The following PCDHGA7 variants were observed in gnomAD, a reference collection of about 807,000 sequenced individuals.
The protein encoded by PCDHGA7 is protocadherin gamma subfamily A, 7.
A neutral mutation model predicts 58.3 loss-of-function variants in PCDHGA7; 44 were observed. The ratio of observed to expected loss-of-function variants is 0.75; its 90% CI spans 0.59 to 0.97. The LOEUF (loss-of-function observed/expected upper bound fraction) is 0.97, where lower values mean the gene tolerates loss of function less well. PCDHGA7 is among the 50% of genes least tolerant of loss of function. The pLI, the probability that PCDHGA7 is intolerant of heterozygous loss-of-function variation, is 0.00. For synonymous variants in PCDHGA7, 516 were observed against 504.2 expected (o/e 1.02, Z -0.31); for missense variants, 1,266 against 1,188.7 (o/e 1.06, Z -0.96).
rs1023140435 is a variant in PCDHGA7, at chr5:141,415,749, T to G, written c.2424+30426T>G. The G allele has an allele frequency of 4.7e-4, 569 of 1,213,970 alleles. 1 individual carries two copies. Among genetic ancestry groups the G allele is most frequent in the Admixed American group, 3.5e-3 (90 of 25,886 alleles). The allele number at this position is 1,213,970 out of a possible 1,614,324, so 75.2% of individuals were successfully genotyped here. The stretch of plus-strand genomic sequence containing the variant: ...TTTGATGTTTATTAAGGTTTTTTTT[T>G]TTTTTTTTTTTTTTTTTTTTTTTAC... On this transcript the variant is annotated intron_variant, in intron 1 of 3. Transcript: ENST00000518325.
chr5:141,409,116 A>G (rs1236625059), intron 1 of PCDHGA7: 1 of 1,614,034 alleles, frequency 6.2e-7, no homozygotes. Flanking sequence ...AAGAATAACC[A>G]GTCATTTGAT....
chr5:141,415,443 C>T, intron 1 of PCDHGA7: 1 of 1,614,196 alleles, frequency 6.2e-7, no homozygotes, highest in Non-Finnish European at 8.5e-7. Context: ...TCCTGCAGAC[C>T]TATTCCCACG....
chr5:141,408,752 G>A (rs780102602), intron 1 of PCDHGA7: 8 of 1,610,388 alleles, frequency 5.0e-6, no homozygotes, highest in Non-Finnish European at 5.9e-6. Flanking sequence ...AATGGTTAGA[G>A]TTAATTCCGA....
chr5:141,423,234 C>T, intron 1 of PCDHGA7: 1 of 1,613,918 alleles, frequency 6.2e-7, no homozygotes, highest in South Asian at 1.1e-5. Context: ...CCGACAGCAT[C>T]CCCGAAGTCC....
chr5:141,476,078 C>G lies in PCDHGA7; in HGVS notation c.2425-18729C>G. On this transcript the variant is annotated intron_variant, in intron 1 of 3. Transcript: ENST00000518325. The surrounding 1 kb of genome is among the most constrained non-coding windows in gnomAD (Gnocchi z 7.6). ...AAGTTTCTCAGCGAAATCTCAGGGA[C>G]GATCTGGACCCCGCTGAGAGGAACT... is the stretch of plus-strand genomic sequence containing the variant. 1 of 1,528,034 alleles carries G rather than the reference C, an allele frequency of 6.5e-7. No homozygotes were observed. 94.7% of individuals were successfully genotyped at this position (1,528,034 alleles called of 1,614,324 possible).
At position 141,384,703 on chromosome 5, in the gene PCDHGA7, G is replaced by T; in HGVS notation, c.1804G>T (p.Ala602Ser). 1.2e-6 allele frequency: 2 copies of T among 1,614,100 alleles called. No homozygotes were observed. The highest frequency in any genetic ancestry group is 8.5e-7 in the Non-Finnish European group (1 of 1,180,028). Residue 602 changes from alanine (A) to serine (S), a missense_variant, in exon 1 of 4, where the codon GCC (alanine) becomes TCC (serine). Transcript: ENST00000518325. The part of the protein sequence containing the change: ...VAVDKDSGQN[A>S]WLSYLLLKAS... ...GGTGGACAAAGATTCAGGCCAGAAC[G>T]CCTGGCTGTCATACCTCCTGCTTAA...
In PCDHGA7 at chr5:141,405,021, C is replaced by T. The variant is rs188043964; in HGVS notation, c.2424+19698C>T. The T allele has an allele frequency of 2.9e-5, 46 of 1,613,980 alleles. No homozygotes were observed. Among genetic ancestry groups the T allele is most frequent in the Non-Finnish European group, 3.7e-5 (44 of 1,179,862 alleles). On this transcript the variant is annotated intron_variant, in intron 1 of 3. Coordinates refer to ENST00000518325, the MANE Select transcript of PCDHGA7 (RefSeq NM_018920.4). ...GCAGACCTGGAGGCCTCAGACCTTA[C>T]CCTCTACCTCGTTGTGGCTGTGGCA...
At chr5:141,463,265 A>G (rs2099055701) in intron 1 of PCDHGA7, among the ~76,000 whole-genome samples, 1 of 151,998 alleles carries the variant, frequency 6.6e-6, no homozygotes, top group African/African-American at 2.4e-5. Flanking sequence ...ACTCTATCCC[A>G]TAAATTCTGG....
chr5:141,486,608 G>A lies in PCDHGA7; in HGVS notation c.2425-8199G>A. On this transcript the variant is annotated intron_variant, in intron 1 of 3. Transcript: ENST00000518325. The surrounding 1 kb of genome is among the most constrained non-coding windows in gnomAD (Gnocchi z 5.0). ...AGGGGACCTGCTTTGCTCCCTTGCAGCCTCTGACCCAGACTCTGGCTTGAA... is the reference window on the plus strand; with the variant it reads ...AGGGGACCTGCTTTGCTCCCTTGCAACCTCTGACCCAGACTCTGGCTTGAA... 3 of 1,613,546 alleles carry A rather than the reference G, an allele frequency of 1.9e-6. No homozygotes were observed. The highest frequency in any genetic ancestry group is 2.5e-6 in the Non-Finnish European group (3 of 1,180,024).
At chr5:141,414,699 C>T (rs2095778847) in intron 1 of PCDHGA7, 2 of 1,613,952 alleles carry the variant, frequency 1.2e-6, no homozygotes, top group Non-Finnish European at 1.7e-6. Context: ...TGTCCTCATA[C>T]ATATCCATCA....
chr5:141,423,317 C>T, intron 1 of PCDHGA7: 4 of 1,614,118 alleles, frequency 2.5e-6, no homozygotes, highest in Non-Finnish European at 3.4e-6. Flanking sequence ...TTGGTGGTGG[C>T]GGTGGCCGCA....
At chr5:141,475,448 G>C (rs774710049) in intron 1 of PCDHGA7, among the ~76,000 whole-genome samples, 1 of 152,214 alleles carries the variant, frequency 6.6e-6, no homozygotes, top group African/African-American at 2.4e-5. Context: ...CAGATAATGA[G>C]GAAGTGACAG....
At chr5:141,426,029 A>G (rs576464127) in intron 1 of PCDHGA7, among the ~76,000 whole-genome samples, 13 of 152,216 alleles carry the variant, frequency 8.5e-5, no homozygotes, top group Non-Finnish European at 1.9e-4. Flanking sequence ...AAATAGACTC[A>G]GAGCCCTGCT....
chr5:141,420,511 A>G (rs958868048), intron 1 of PCDHGA7: 23 of 419,992 alleles, frequency 5.5e-5, no homozygotes, highest in Middle Eastern at 6.5e-4. Context: ...ATTTTTATGA[A>G]GTAAAATACC....
At chr5:141,399,593 C>T in intron 1 of PCDHGA7, 1 of 1,613,988 alleles carries the variant, frequency 6.2e-7, no homozygotes, top group Non-Finnish European at 8.5e-7. Flanking sequence ...TCTATCATGG[C>T]CAGCGACCTA....
rs958652662 is a variant in PCDHGA7, at chr5:141,494,839, T to C, written c.2457T>C (p.Ser819=). 6.2e-7 allele frequency: 1 copy of C among 1,614,106 alleles called. No individual in the cohort carries two copies. Among genetic ancestry groups the C allele is most frequent in the Non-Finnish European group, 8.5e-7 (1 of 1,180,016 alleles). ...QAPPNTDWRF[S]QAQRPGTSGS... ...CGCCCAACACGGACTGGCGTTTCTC[T>C]CAGGCCCAGAGACCCGGCACCAGCG... The change falls in exon 2 of 4, where the codon TCT becomes TCC. Residue 819 remains serine (S), a synonymous_variant. Coordinates refer to ENST00000518325, the MANE Select transcript of PCDHGA7 (RefSeq NM_018920.4).
chr5:141,389,644 C>T (rs2091854728), intron 1 of PCDHGA7: 1 of 1,612,926 alleles, frequency 6.2e-7, no homozygotes, highest in Admixed American at 1.7e-5. Context: ...TACTTGGTGA[C>T]CAAGGTAGTG....
chr5:141,422,447 C>G, intron 1 of PCDHGA7: 2 of 1,610,922 alleles, frequency 1.2e-6, no homozygotes, highest in Non-Finnish European at 1.7e-6. Flanking sequence ...AAATTGATAA[C>G]AAGCAGAGTG....
At chr5:141,420,748 C>G (rs2096523185) in intron 1 of PCDHGA7, among the ~76,000 whole-genome samples, 1 of 152,214 alleles carries the variant, frequency 6.6e-6, no homozygotes, top group Non-Finnish European at 1.5e-5. Context: ...TTGGAACCAA[C>G]TACAACCTAC....
Sources: gnomAD v4.1 joint callset for allele counts (sites outside exome capture counted in the v4.1 genomes callset) on GRCh38, gnomAD v4.1.1 for gene constraint, Gnocchi (gnomAD v3.1) non-coding constraint, MANE v1.5 for transcripts, NCBI Gene and HGNC (gene_info 2026-07-23, HGNC 2026-07-21) for gene names.